Variants in PAK1 observed in about 807,000 individuals in gnomAD.
PAK1 encodes the protein p21 (RAC1) activated kinase 1.
PAK1 carries 29 observed loss-of-function variants against 67.4 expected under a neutral mutation model. The observed-to-expected ratio is 0.43, with a 90% confidence interval of 0.32 to 0.59. The LOEUF (loss-of-function observed/expected upper bound fraction) is 0.59. PAK1 is among the 20% of genes least tolerant of loss of function. The pLI is 0.07. For missense variants in PAK1, 337 were observed against 670.7 expected (o/e 0.50, Z 5.50); for synonymous variants, 223 against 237.4 (o/e 0.94, Z 0.56).
rs573983179 is a variant in PAK1 at position 77,459,796 on chromosome 11, C to T, written c.-22+13756G>A. On this transcript the variant is annotated intron_variant, in intron 1 of 14. Coordinates refer to ENST00000356341, the MANE Select transcript of PAK1 (RefSeq NM_002576.5). ...CAAGCTCCGCCTCCCGGGTTCACGC[C>T]ATTCTCCTGCCTGAGCCACCCCCGC... Among the ~76,000 whole-genome samples the T allele has an allele frequency of 2.4e-3, 337 of 142,990 alleles. 5 individuals are homozygous for T. Among genetic ancestry groups the T allele is most frequent in the Admixed American group, 0.02 (296 of 14,694 alleles). 93.8% of individuals were successfully genotyped at this position (142,990 alleles called of 152,430 possible).
At chr11:77,402,931 A>T (rs1487398208) in intron 1 of PAK1, among the ~76,000 whole-genome samples, 1 of 151,956 alleles carries the variant, frequency 6.6e-6, no homozygotes, top group Non-Finnish European at 1.5e-5. Context: ...GAACCCTCTA[A>T]CCTGACCAAA....
chr11:77,492,032 A>T, the PAK1 span, among the ~76,000 whole-genome samples: 1 of 152,230 alleles, frequency 6.6e-6, no homozygotes, highest in South Asian at 2.1e-4. Context: ...TGCAACAAGG[A>T]GTGGGAAACT....
chr11:77,478,806 G>C (rs1375226814), upstream of PAK1, among the ~76,000 whole-genome samples: 1 of 151,732 alleles, frequency 6.6e-6, no homozygotes, highest in African/African-American at 2.4e-5. Context: ...GCCAGGCGCA[G>C]TGGCTCATGC....
intron 14 of PAK1, among the ~76,000 whole-genome samples, chr11:77,325,894 G>C (rs1591630451): frequency 6.6e-6 from 1 of 152,158 alleles, no homozygotes; most frequent in Non-Finnish European, 1.5e-5. Flanking sequence ...AATATATTTT[G>C]AGTACCTATC....
chr11:77,489,702 C>T, the PAK1 span, among the ~76,000 whole-genome samples: 16 of 151,420 alleles, frequency 1.1e-4, no homozygotes, highest in East Asian at 2.9e-3. Flanking sequence ...CCGCCAGCCT[C>T]GGCCTCCCGA....
intron 1 of PAK1, among the ~76,000 whole-genome samples, chr11:77,412,620 G>T (rs1156766128): frequency 1.3e-5 from 2 of 151,976 alleles, no homozygotes; most frequent in Non-Finnish European, 2.9e-5. Flanking sequence ...TACAGATGGG[G>T]TCTGCCATGT....
chr11:77,347,424 T>A (rs868257913), intron 9 of PAK1, among the ~76,000 whole-genome samples: 1 of 152,208 alleles, frequency 6.6e-6, no homozygotes, highest in East Asian at 1.9e-4. Flanking sequence ...AAAAAAAAGT[T>A]ATCTATACAC....
chr11:77,495,922 T>C, the PAK1 span, among the ~76,000 whole-genome samples: 10 of 152,052 alleles, frequency 6.6e-5, no homozygotes, highest in African/African-American at 2.2e-4. Context: ...TTAATGAGCA[T>C]AGAGTTACAT....
At position 77,392,479 on chromosome 11, in the gene PAK1, G is replaced by A. The variant is rs889239152; in HGVS notation, c.42C>T (p.Ala14=). The A allele has an allele frequency of 3.7e-6, 6 of 1,613,144 alleles. No homozygotes were observed. Among genetic ancestry groups the A allele is most frequent in the Middle Eastern group, 1.6e-4 (1 of 6,082 alleles). The change falls in exon 2 of 15, where the codon GCC becomes GCT. Residue 14 remains alanine (A), a synonymous_variant. Transcript: ENST00000356341. ...TAGTGCTGGTATTTCTCATCGGAGG[G>A]GCTGGGGGTTTGTCTTGAATGTCTA... ...NGLDIQDKPP[A]PPMRNTSTMI...
the PAK1 span, among the ~76,000 whole-genome samples, chr11:77,485,133 C>T: frequency 6.6e-6 from 1 of 152,076 alleles, no homozygotes; most frequent in South Asian, 2.1e-4. Flanking sequence ...GGATGTTACA[C>T]AGCAAAACCA....
chr11:77,491,201 CATT>C, the PAK1 span, among the ~76,000 whole-genome samples: 1 of 138,364 alleles, frequency 7.2e-6, no homozygotes, highest in Non-Finnish European at 1.6e-5. Context: ...AAAAAGAAAT[CATT>C]AGAAGGTACA....
intron 14 of PAK1, among the ~76,000 whole-genome samples, chr11:77,326,714 C>G (rs529877236): frequency 1.3e-5 from 2 of 152,162 alleles, no homozygotes; most frequent in African/African-American, 4.8e-5. Flanking sequence ...ACTGGAAACT[C>G]TAAAAATCAG....
chr11:77,513,192 T>G, the PAK1 span, among the ~76,000 whole-genome samples: 1 of 152,170 alleles, frequency 6.6e-6, no homozygotes, highest in South Asian at 2.1e-4. Flanking sequence ...GTCAAATCCT[T>G]TATGCCTCAT....
At chr11:77,450,358 A>G (rs1956802453) in intron 1 of PAK1, among the ~76,000 whole-genome samples, 1 of 152,152 alleles carries the variant, frequency 6.6e-6, no homozygotes, top group Non-Finnish European at 1.5e-5. Context: ...CAGCATTAAA[A>G]ACCCGAAAGA....
intron 12 of PAK1, among the ~76,000 whole-genome samples, chr11:77,336,545 T>TA (rs1050128362): frequency 6.6e-6 from 1 of 152,224 alleles, no homozygotes; most frequent in Non-Finnish European, 1.5e-5. Flanking sequence ...GACTTAGTGT[T>TA]AAAGTCCAAG....
At chr11:77,490,100 C>T in the PAK1 span, among the ~76,000 whole-genome samples, 1 of 151,674 alleles carries the variant, frequency 6.6e-6, no homozygotes, top group Non-Finnish European at 1.5e-5. Flanking sequence ...TCTGCCCGGC[C>T]GCGACCCCAT....
the PAK1 span, among the ~76,000 whole-genome samples, chr11:77,483,578 A>C: frequency 6.6e-6 from 1 of 152,228 alleles, no homozygotes; most frequent in African/African-American, 2.4e-5. Flanking sequence ...AGGTACAAGG[A>C]AACTTTGTGG....
chr11:77,432,897 TGAAAAA>T (rs910986109), intron 1 of PAK1, among the ~76,000 whole-genome samples: 2 of 151,640 alleles, frequency 1.3e-5, no homozygotes, highest in African/African-American at 2.4e-5. Context: ...TGTACAACCT[TGAAAAA>T]GAAAAACAAA....
intron 1 of PAK1, among the ~76,000 whole-genome samples, chr11:77,469,103 T>C (rs1175663595): frequency 6.6e-6 from 1 of 152,192 alleles, no homozygotes; most frequent in Non-Finnish European, 1.5e-5. Context: ...CTGCAATATA[T>C]TTACTTGCAA....
Sources: allele counts gnomAD v4.1 joint callset (sites outside exome capture counted in the v4.1 genomes callset), GRCh38; gene constraint gnomAD v4.1.1; transcripts MANE v1.5; gene names NCBI Gene and HGNC (gene_info 2026-07-23, HGNC 2026-07-21).